ARHGAP5: variants seen among roughly 807,000 people sequenced by gnomAD.
ARHGAP5 encodes rho GTPase-activating protein 5.
Under a neutral mutation model 116.6 loss-of-function variants are expected in ARHGAP5, and 23 were observed. The ratio of observed to expected loss-of-function variants is 0.20; its 90% CI spans 0.14 to 0.28. The LOEUF is 0.28. Ranked by LOEUF, ARHGAP5 falls within the 10% of genes least tolerant of loss-of-function variation. The pLI is 1.00. For missense variants in ARHGAP5, 1,405 were observed against 1,774.8 expected (o/e 0.79, Z 3.74); for synonymous variants, 574 against 602.0 (o/e 0.95, Z 0.68).
At chr14:32,130,115 A>G (rs1196333711) in intron 3 of ARHGAP5, among the ~76,000 whole-genome samples, 1 of 151,352 alleles carries the variant, frequency 6.6e-6, no homozygotes, top group South Asian at 2.1e-4. Flanking sequence ...AAATATATAT[A>G]TATGACCACA....
chr14:32,097,289 T>C (rs2139030301), intron 2 of ARHGAP5, among the ~76,000 whole-genome samples: 1 of 152,274 alleles, frequency 6.6e-6, no homozygotes, highest in Middle Eastern at 3.4e-3. Flanking sequence ...GAAAATCATA[T>C]CCATGTTGGA....
intron 3 of ARHGAP5, among the ~76,000 whole-genome samples, chr14:32,143,048 G>A (rs1881197942): frequency 6.6e-6 from 1 of 152,124 alleles, no homozygotes; most frequent in African/African-American, 2.4e-5. Context: ...GGAACAGGCA[G>A]TGAAACCCTG....
At chr14:32,114,227 C>CA (rs543034265) in intron 2 of ARHGAP5, among the ~76,000 whole-genome samples, 6,069 of 139,272 alleles carry the variant, frequency 0.044, 128 homozygotes, top group Non-Finnish European at 0.058. Flanking sequence ...GACTCCGTCT[C>CA]AAAAAAAAAA....
At chr14:32,103,412 G>A (rs540323369) in intron 2 of ARHGAP5, among the ~76,000 whole-genome samples, 3 of 152,056 alleles carry the variant, frequency 2.0e-5, no homozygotes, top group East Asian at 1.9e-4. Flanking sequence ...ATACATTTTC[G>A]CTAATTTAAA....
chr14:32,108,310 G>A (rs902321323), intron 2 of ARHGAP5, among the ~76,000 whole-genome samples: 1 of 152,102 alleles, frequency 6.6e-6, no homozygotes, highest in African/African-American at 2.4e-5. Context: ...TGTTTTTAAA[G>A]ATGAGAGAGA....
At chr14:32,119,417 C>T (rs1437541730) in intron 3 of ARHGAP5, among the ~76,000 whole-genome samples, 2 of 151,978 alleles carry the variant, frequency 1.3e-5, no homozygotes, top group East Asian at 3.8e-4. Flanking sequence ...AAAGACTAAC[C>T]TTTCTTGAAC....
intron 3 of ARHGAP5, among the ~76,000 whole-genome samples, chr14:32,118,768 A>G (rs1261563129): frequency 3.3e-5 from 5 of 152,330 alleles, no homozygotes; most frequent in African/African-American, 1.2e-4. Flanking sequence ...CATTTTCTCT[A>G]GTATTATAAT....
chr14:32,099,341 T>C (rs541863712), intron 2 of ARHGAP5, among the ~76,000 whole-genome samples: 2 of 152,248 alleles, frequency 1.3e-5, no homozygotes, highest in South Asian at 4.1e-4. Flanking sequence ...TGTAGATACA[T>C]AGGAGACAGT....
rs573989116 is a variant in ARHGAP5 at position 32,149,633 on chromosome 14, G to A, written c.3944-269G>A. Among the ~76,000 whole-genome samples, 22 of 152,056 alleles carry A rather than the reference G, an allele frequency of 1.4e-4. 1 individual carries two copies. In the South Asian group the frequency reaches 2.3e-3, roughly 16 times the overall value. ...TAAAAATACAAAAAATTAGCCGGGC[G>A]TGGTGACGGTCGCCTGTAATCCCAG... On this transcript the variant is annotated intron_variant, in intron 4 of 6. Coordinates refer to ENST00000345122, the MANE Select transcript of ARHGAP5 (RefSeq NM_001030055.2).
intron 2 of ARHGAP5, among the ~76,000 whole-genome samples, chr14:32,106,054 A>C (rs1879002022): frequency 6.6e-6 from 1 of 152,174 alleles, no homozygotes; most frequent in Non-Finnish European, 1.5e-5. Context: ...ATCTTGAATA[A>C]AGTTGTCATG....
intron 2 of ARHGAP5, among the ~76,000 whole-genome samples, chr14:32,109,275 T>G (rs1017025392): frequency 1.3e-5 from 2 of 152,058 alleles, no homozygotes; most frequent in African/African-American, 2.4e-5. Context: ...TGTTTTCTAG[T>G]TTTTATTCTT....
In ARHGAP5 at chr14:32,157,764, C is replaced by G. The variant is rs1209546474; in HGVS notation, c.*2816C>G. Reference sequence around the variant, plus strand: ...ACCGCAATCTAAGTTAGCCAAAAAGCAGCTTTTTTTCCCATACTGTATGTA... The same window carrying G: ...ACCGCAATCTAAGTTAGCCAAAAAGGAGCTTTTTTTCCCATACTGTATGTA... On this transcript the variant is annotated 3_prime_UTR_variant, in exon 7 of 7. Transcript: ENST00000345122. The G allele has an allele frequency of 6.6e-6, 1 of 150,954 alleles. No homozygotes were observed. The highest frequency in any genetic ancestry group is 1.5e-5 in the Non-Finnish European group (1 of 67,574). 9.4% of individuals were successfully genotyped at this position (150,954 alleles called of 1,614,324 possible). A position where few individuals can be genotyped will look rare whatever the true frequency, so the allele number is the denominator to read the frequency against.
chr14:32,095,402 T>G (rs1273713294), intron 2 of ARHGAP5, among the ~76,000 whole-genome samples: 1 of 133,962 alleles, frequency 7.5e-6, no homozygotes, highest in African/African-American at 3.1e-5. Context: ...GTAAACTTTG[T>G]TTTTTTTTTT....
At chr14:32,082,529 G>A (rs900226583) in intron 1 of ARHGAP5, among the ~76,000 whole-genome samples, 1 of 151,988 alleles carries the variant, frequency 6.6e-6, no homozygotes, top group African/African-American at 2.4e-5. Context: ...GTCTTGCATT[G>A]CTCTTTTATT....
Position 32,094,078 on chromosome 14 carries a change from T to C in ARHGAP5, c.3409T>C (p.Phe1137Leu). 6.2e-7 allele frequency: 1 copy of C among 1,614,012 alleles called. No homozygotes were observed. The highest frequency in any genetic ancestry group is 8.5e-7 in the Non-Finnish European group (1 of 1,179,980). The change falls in exon 2 of 7, where the codon TTT (phenylalanine) becomes CTT (leucine). Residue 1137 changes from phenylalanine (F) to leucine (L), a missense_variant. Physicochemically the swap from Phe to Leu is conservative, Grantham distance 22. This residue lies in a region of ARHGAP5 where 944 missense variants were observed against 1,095.3 expected (regional missense o/e 0.86). Transcript: ENST00000345122. ...NNTQGDEENG[F>L]SDRTSKSHGE... is the part of the protein sequence containing the mutation. ...CACCCAAGGAGATGAAGAAAATGGG[T>C]TTTCTGATAGAACCTCAAAAAGTCA...
Position 32,090,841 on chromosome 14 carries a change from A to G in ARHGAP5, c.172A>G (p.Ser58Gly). 2 of 1,613,640 alleles carry G rather than the reference A, an allele frequency of 1.2e-6. No homozygotes were observed. The highest frequency in any genetic ancestry group is 1.7e-6 in the Non-Finnish European group (2 of 1,179,622). Residue 58 changes from serine (S) to glycine (G), a missense_variant, in exon 2 of 7, where the codon AGC becomes GGC. By Grantham distance (56) the Ser-to-Gly change is moderately conservative. This residue lies in a region of ARHGAP5 where 190 missense variants were observed against 314.9 expected (regional missense o/e 0.60). Transcript: ENST00000345122. ...EYYPEHTSVL[S>G]TIDFGGRVVN... ...TTATCCAGAGCATACTTCTGTGCTT[A>G]GCACCATTGACTTTGGAGGACGAGT...
At chr14:32,095,764 C>T (rs940571013) in intron 2 of ARHGAP5, among the ~76,000 whole-genome samples, 2 of 152,176 alleles carry the variant, frequency 1.3e-5, no homozygotes, top group Admixed American at 6.5e-5. Flanking sequence ...ATACTCAACT[C>T]ATAACATGCT....
intron 3 of ARHGAP5, among the ~76,000 whole-genome samples, chr14:32,125,745 A>C (rs1880120293): frequency 6.6e-6 from 1 of 152,244 alleles, no homozygotes; most frequent in African/African-American, 2.4e-5. Flanking sequence ...TTTTAGCAAT[A>C]TTAAGTCTTC....
At chr14:32,130,271 G>A (rs1166616392) in intron 3 of ARHGAP5, among the ~76,000 whole-genome samples, 1 of 147,620 alleles carries the variant, frequency 6.8e-6, no homozygotes, top group African/African-American at 2.5e-5. Context: ...GAGTGTAGTG[G>A]TGGGATCTCG....
Sources: allele counts gnomAD v4.1 joint callset (sites outside exome capture counted in the v4.1 genomes callset), GRCh38; gene constraint gnomAD v4.1.1; regional missense constraint gnomAD v4.1.1; transcripts MANE v1.5; gene names NCBI Gene and HGNC (gene_info 2026-07-23, HGNC 2026-07-21).